TPP2: variants seen among roughly 807,000 people sequenced by gnomAD.
TPP2 encodes the protein tripeptidyl-peptidase 2.
A neutral mutation model predicts 155.9 loss-of-function variants in TPP2; 34 were observed. The observed-to-expected ratio is 0.22, with a 90% CI of 0.17 to 0.29. The LOEUF (loss-of-function observed/expected upper bound fraction) is 0.29, where lower values mean the gene tolerates loss of function less well. TPP2 is among the 10% of genes least tolerant of loss of function. The pLI, the probability that TPP2 is intolerant of heterozygous loss-of-function variation, is 1.00. For synonymous variants in TPP2, 510 were observed against 529.4 expected (o/e 0.96, Z 0.50); for missense variants, 1,028 against 1,522.3 (o/e 0.68, Z 5.40).
chr13:102,614,915 GT>G (rs1880605213), intron 3 of TPP2, among the ~76,000 whole-genome samples: 4 of 152,120 alleles, frequency 2.6e-5, no homozygotes, highest in Admixed American at 6.5e-5. Flanking sequence ...TAAAATTTAA[GT>G]TTAAATAGTG....
chr13:102,648,689 A>C (rs1299728751), intron 21 of TPP2, among the ~76,000 whole-genome samples: 1 of 152,022 alleles, frequency 6.6e-6, no homozygotes, highest in Non-Finnish European at 1.5e-5. Flanking sequence ...ACTCTGTGTG[A>C]TGTTAGGCAA....
intron 1 of TPP2, among the ~76,000 whole-genome samples, chr13:102,604,337 A>G (rs1322105732): frequency 1.3e-5 from 2 of 151,940 alleles, no homozygotes; most frequent in Admixed American, 6.6e-5. Context: ...CACACTGACC[A>G]TCTCCCTTCC....
At chr13:102,597,975 C>A (rs1389480139) in intron 1 of TPP2, among the ~76,000 whole-genome samples, 2 of 148,920 alleles carry the variant, frequency 1.3e-5, no homozygotes, top group East Asian at 4.0e-4. Context: ...TGAAAATATG[C>A]GACTTTTTTT....
rs559155511 is a variant in TPP2 at position 102,607,655 on chromosome 13, C to T, written c.294+2734C>T. 23 of 448,782 alleles carry T rather than the reference C, an allele frequency of 5.1e-5. 1 individual carries two copies. The East Asian group carries it at 7.9e-4, about 15-fold the overall frequency. The allele number at this position is 448,782 out of a possible 1,614,324, so 27.8% of individuals were successfully genotyped here. A position where few individuals can be genotyped will look rare whatever the true frequency, so the allele number is the denominator to read the frequency against. On this transcript the variant is annotated intron_variant, in intron 2 of 29. Transcript: ENST00000376052. ...AGGTTGAAGTACAATGGCACAATCT[C>T]GGCTCACCTCGACCTCTGCTTCCTG...
chr13:102,676,585 A>G (rs1885293467), intron 29 of TPP2, among the ~76,000 whole-genome samples, 170 bp downstream of exon 29: 1 of 152,228 alleles, frequency 6.6e-6, no homozygotes, highest in African/African-American at 2.4e-5. Context: ...GAGACAGTCA[A>G]TAAGCTATTT....
intron 11 of TPP2, 44 bp from the exon 12 acceptor site, chr13:102,635,543 A>G (rs948705019): frequency 6.8e-6 from 10 of 1,464,342 alleles, no homozygotes; most frequent in African/African-American, 1.4e-5. Flanking sequence ...CTAAGGTTTC[A>G]GATAGTGAGT....
intron 16 of TPP2, among the ~76,000 whole-genome samples, chr13:102,642,816 A>T (rs936161223): frequency 6.6e-6 from 1 of 152,234 alleles, no homozygotes; most frequent in Admixed American, 6.5e-5. Context: ...TTGAGGCATG[A>T]TAACAAATAG....
Position 102,614,092 on chromosome 13 carries a change from T to G in TPP2, c.295-9T>G, listed in dbSNP as rs1448889846. ...GTGAATGAACAGGTTACTCTTTTTT[T>G]TTCTGTAGATTCCTGCAAGCTGGAC... On this transcript the variant is annotated splice_polypyrimidine_tract_variant and intron_variant, in intron 2 of 29. Coordinates refer to ENST00000376052, the MANE Select transcript of TPP2 (RefSeq NM_001330588.2). 1 of 1,611,254 alleles carries G rather than the reference T, an allele frequency of 6.2e-7. No homozygotes were observed. Among genetic ancestry groups the G allele is most frequent in the East Asian group, 2.2e-5 (1 of 44,816 alleles).
intron 7 of TPP2, 69 bp from the exon 8 acceptor site, chr13:102,627,779 C>T (rs1881740259): frequency 3.7e-6 from 4 of 1,089,500 alleles, no homozygotes; most frequent in Non-Finnish European, 5.5e-6. Flanking sequence ...TATATATATG[C>T]CCTTATTTTA....
intron 2 of TPP2, among the ~76,000 whole-genome samples, chr13:102,605,905 G>A (rs915652385): frequency 2.0e-5 from 3 of 151,924 alleles, no homozygotes; most frequent in Non-Finnish European, 4.4e-5. Flanking sequence ...TGTATGATTA[G>A]TAGAGACAGG....
At position 102,618,808 on chromosome 13, in the gene TPP2, A is replaced by G. The variant is rs1365676508; in HGVS notation, c.582A>G (p.Val194=). 3.7e-6 allele frequency: 6 copies of G among 1,613,592 alleles called. No individual in the cohort carries two copies. Among genetic ancestry groups the G allele is most frequent in the East Asian group, 2.2e-5 (1 of 44,864 alleles). The part of the protein sequence containing the change: ...FEKKYSDPGP[V]YDCLVWHDGE... ...AGAAATACAGCGATCCTGGCCCTGT[A>G]TATGACTGCTTGGTATGGCATGATG... is the stretch of plus-strand genomic sequence containing the variant. The change falls in exon 5 of 30, where the codon GTA becomes GTG. Residue 194 remains valine (V), a synonymous_variant. Coordinates refer to ENST00000376052, the MANE Select transcript of TPP2 (RefSeq NM_001330588.2).
intron 2 of TPP2, among the ~76,000 whole-genome samples, chr13:102,611,307 A>G (rs191529448): frequency 6.6e-6 from 1 of 152,330 alleles, no homozygotes; most frequent in East Asian, 1.9e-4. Context: ...GGTCATGCCA[A>G]ACAGTTTTTC....
chr13:102,653,229 T>C (rs1002469066), intron 24 of TPP2, among the ~76,000 whole-genome samples: 6 of 152,190 alleles, frequency 3.9e-5, no homozygotes, highest in African/African-American at 2.4e-5. Context: ...TATAGTCACA[T>C]TACAAAGAAA....
chr13:102,641,143 T>C (rs748198837), intron 16 of TPP2, among the ~76,000 whole-genome samples: 3 of 152,234 alleles, frequency 2.0e-5, no homozygotes, highest in Non-Finnish European at 2.9e-5. Context: ...TAACATGTTA[T>C]AGTCCTGTGA....
chr13:102,666,055 C>T (rs1884571613), intron 27 of TPP2, among the ~76,000 whole-genome samples: 1 of 152,118 alleles, frequency 6.6e-6, no homozygotes, highest in Admixed American at 6.5e-5. Flanking sequence ...AAAATACAGC[C>T]ACCATTTATT....
chr13:102,671,264 C>G (rs1884963913), intron 27 of TPP2, among the ~76,000 whole-genome samples: 2 of 152,176 alleles, frequency 1.3e-5, no homozygotes, highest in South Asian at 4.1e-4. Flanking sequence ...TGCAAATTAG[C>G]ATTGATAGCC....
chr13:102,662,487 C>G (rs1485544557), intron 25 of TPP2, among the ~76,000 whole-genome samples: 1 of 151,870 alleles, frequency 6.6e-6, no homozygotes. Flanking sequence ...CCTAGCAAAA[C>G]TTTAAAAACC....
chr13:102,622,571 C>T (rs1881242459), intron 5 of TPP2, among the ~76,000 whole-genome samples: 1 of 152,196 alleles, frequency 6.6e-6, no homozygotes, highest in East Asian at 1.9e-4. Flanking sequence ...TCCTAAACTG[C>T]TCTAAAACTC....
intron 27 of TPP2, among the ~76,000 whole-genome samples, chr13:102,671,656 C>T (rs994106476): frequency 6.6e-6 from 1 of 152,200 alleles, no homozygotes; most frequent in East Asian, 1.9e-4. Context: ...AGGCCAAGAG[C>T]TCCCCTTCTA....
Sources: allele counts gnomAD v4.1 joint callset (sites outside exome capture counted in the v4.1 genomes callset), GRCh38; gene constraint gnomAD v4.1.1; transcripts MANE v1.5; gene names NCBI Gene and HGNC (gene_info 2026-07-23, HGNC 2026-07-21).